Variants in ANO10 observed in about 807,000 individuals in gnomAD.
ANO10 encodes anoctamin-10.
Under a neutral mutation model 74.7 loss-of-function variants are expected in ANO10, and 77 were observed. The ratio of observed to expected loss-of-function variants is 1.03; its 90% CI spans 0.86 to 1.25. The LOEUF is 1.25. Ranked by LOEUF, ANO10 falls within the 50% of genes most tolerant of loss-of-function variation. The pLI is 0.00. For missense variants in ANO10, 721 were observed against 778.1 expected (o/e 0.93, Z 0.87); for synonymous variants, 279 against 284.9 (o/e 0.98, Z 0.21).
At chr3:43,523,822 C>A (rs1290346693) in intron 11 of ANO10, among the ~76,000 whole-genome samples, 2 of 152,156 alleles carry the variant, frequency 1.3e-5, no homozygotes, top group African/African-American at 4.8e-5. Context: ...GACAAGCTCA[C>A]CCAGGGGCTA....
intron 7 of ANO10, among the ~76,000 whole-genome samples, chr3:43,572,532 C>T (rs2080786960): frequency 6.6e-6 from 1 of 152,320 alleles, no homozygotes; most frequent in East Asian, 1.9e-4. Flanking sequence ...AACAACCAGT[C>T]TGGCCTGGGA....
At chr3:43,523,731 C>T (rs893810180) in intron 11 of ANO10, among the ~76,000 whole-genome samples, 2 of 152,114 alleles carry the variant, frequency 1.3e-5, no homozygotes, top group Non-Finnish European at 2.9e-5. Flanking sequence ...GTGAAAGCAA[C>T]GAAGGTAAAT....
chr3:43,401,003 C>T (rs988591831), intron 12 of ANO10, among the ~76,000 whole-genome samples: 2 of 152,136 alleles, frequency 1.3e-5, no homozygotes, highest in Non-Finnish European at 2.9e-5. Context: ...TTTAGTCTGC[C>T]TTTATCTGTT....
intron 1 of ANO10, among the ~76,000 whole-genome samples, chr3:43,683,045 A>C (rs925949012): frequency 4.6e-5 from 7 of 152,010 alleles, no homozygotes; most frequent in Non-Finnish European, 8.8e-5. Flanking sequence ...GTCTCTCACC[A>C]CTCCTATTCA....
intron 4 of ANO10, among the ~76,000 whole-genome samples, chr3:43,580,786 C>A (rs974396319): frequency 6.6e-6 from 1 of 151,862 alleles, no homozygotes; most frequent in Non-Finnish European, 1.5e-5. Flanking sequence ...TAGTGTATAA[C>A]CAGACATAAA....
chr3:43,544,559 G>A (rs947608694), intron 11 of ANO10, among the ~76,000 whole-genome samples: 2 of 152,114 alleles, frequency 1.3e-5, no homozygotes, highest in Admixed American at 1.3e-4. Context: ...TTGGGAGGCT[G>A]AGGCAGGCAG....
chr3:43,676,419 C>A (rs767810460), intron 1 of ANO10, among the ~76,000 whole-genome samples: 1 of 152,050 alleles, frequency 6.6e-6, no homozygotes, highest in Non-Finnish European at 1.5e-5. Context: ...AGGTTTGCAC[C>A]TGCACTCCAG....
chr3:43,504,847 A>G lies in ANO10; in HGVS notation c.1797+44873T>C, dbSNP rs1204606686. ...AGTAGAGACAGGGTTTCAACATGTT[A>G]GCCAGGCTGGTCTTGAACTCCTGAC... On this transcript the variant is annotated intron_variant, in intron 11 of 12. Coordinates refer to ENST00000292246, the MANE Select transcript of ANO10 (RefSeq NM_018075.5). Among the ~76,000 whole-genome samples the G allele has an allele frequency of 7.9e-5, 12 of 152,030 alleles. No individual in the cohort carries two copies. The South Asian group carries it at 2.3e-3, about 29-fold the overall frequency.
At position 43,467,198 on chromosome 3, in the gene ANO10, T is replaced by C. The variant is rs367606604; in HGVS notation, c.1798-34471A>G. ...TATAAAACAGTTAGAAAATTTCTTATAAAGTTAAATATATACTTATCATAA... is the reference window on the plus strand; with the variant it reads ...TATAAAACAGTTAGAAAATTTCTTACAAAGTTAAATATATACTTATCATAA... On this transcript the variant is annotated intron_variant, in intron 11 of 12. Coordinates refer to ENST00000292246, the MANE Select transcript of ANO10 (RefSeq NM_018075.5). 1.3e-5 allele frequency among the ~76,000 whole-genome samples: 2 copies of C among 152,210 alleles called. 1 individual carries two copies. Among genetic ancestry groups the C allele is most frequent in the Non-Finnish European group, 2.9e-5 (2 of 68,028 alleles).
chr3:43,456,465 A>C (rs1001290985), intron 11 of ANO10, among the ~76,000 whole-genome samples: 1 of 152,224 alleles, frequency 6.6e-6, no homozygotes. Context: ...CTTTAGAAGC[A>C]AAGAGTTGTC....
chr3:43,366,747 T>C lies in ANO10; in HGVS notation c.*159A>G. ...ATCCCGAGCCAAGCCACTGCGAAACTGAGAAGGGTGCTTGCCACATGGGAG... is the reference window on the plus strand; with the variant it reads ...ATCCCGAGCCAAGCCACTGCGAAACCGAGAAGGGTGCTTGCCACATGGGAG... On this transcript the variant is annotated 3_prime_UTR_variant, in exon 13 of 13. Coordinates refer to ENST00000292246, the MANE Select transcript of ANO10 (RefSeq NM_018075.5). 1.3e-6 allele frequency: 1 copy of C among 743,556 alleles called. No individual in the cohort carries two copies. The highest frequency in any genetic ancestry group is 2.7e-5 in the East Asian group (1 of 37,160). 46.1% of individuals were successfully genotyped at this position (743,556 alleles called of 1,614,324 possible).
chr3:43,401,294 G>A (rs2148870178), intron 12 of ANO10, among the ~76,000 whole-genome samples: 1 of 152,244 alleles, frequency 6.6e-6, no homozygotes, highest in Admixed American at 6.5e-5. Context: ...ATGATCCAAA[G>A]GAGAACACAG....
chr3:43,444,752 G>A (rs892285242), intron 11 of ANO10, among the ~76,000 whole-genome samples: 2 of 152,094 alleles, frequency 1.3e-5, no homozygotes, highest in African/African-American at 2.4e-5. Context: ...TGGCGAGGAC[G>A]GCAGGGTGCA....
At chr3:43,665,949 T>A (rs966575709) in intron 1 of ANO10, among the ~76,000 whole-genome samples, 4 of 152,216 alleles carry the variant, frequency 2.6e-5, no homozygotes, top group Non-Finnish European at 5.9e-5. Context: ...GGTATTTGTT[T>A]TTGTTTTCAA....
intron 7 of ANO10, among the ~76,000 whole-genome samples, chr3:43,573,534 C>T (rs768931301): frequency 5.7e-4 from 87 of 152,108 alleles, no homozygotes; most frequent in Non-Finnish European, 6.3e-4. Context: ...GTAAAGTACA[C>T]GGACTGTGTT....
At chr3:43,393,896 C>G in intron 12 of ANO10, among the ~76,000 whole-genome samples, 1 of 152,048 alleles carries the variant, frequency 6.6e-6, no homozygotes, top group East Asian at 1.9e-4. Context: ...TTTTCCAGAG[C>G]AAGACAATGG....
intron 11 of ANO10, among the ~76,000 whole-genome samples, chr3:43,549,096 A>T (rs540687914): frequency 1.8e-4 from 19 of 108,250 alleles, no homozygotes; most frequent in African/African-American, 7.0e-4. Context: ...ATGGAATTTG[A>T]TTTTGAATAG....
chr3:43,378,013 G>A (rs2091858651), intron 12 of ANO10, among the ~76,000 whole-genome samples: 1 of 152,180 alleles, frequency 6.6e-6, no homozygotes, highest in Non-Finnish European at 1.5e-5. Context: ...TGGAGTATGA[G>A]GGGACACAAT....
intron 11 of ANO10, among the ~76,000 whole-genome samples, chr3:43,497,038 G>A (rs1362538095): frequency 6.6e-6 from 1 of 152,148 alleles, no homozygotes; most frequent in Non-Finnish European, 1.5e-5. Flanking sequence ...GGATGGGACT[G>A]GGTTAGCAAT....
Sources: allele counts gnomAD v4.1 joint callset (sites outside exome capture counted in the v4.1 genomes callset), GRCh38; gene constraint gnomAD v4.1.1; transcripts MANE v1.5; gene names NCBI Gene and HGNC (gene_info 2026-07-23, HGNC 2026-07-21).